Variants in GSTCD observed in about 807,000 individuals in gnomAD.
GSTCD encodes the protein glutathione S-transferase C-terminal domain containing, also known as glutathione S-transferase C-terminal domain-containing protein.
A neutral mutation model predicts 68.3 loss-of-function variants in GSTCD; 44 were observed. The ratio of observed to expected loss-of-function variants is 0.64; its 90% CI spans 0.51 to 0.83. The LOEUF is 0.83. GSTCD is among the 40% of genes least tolerant of loss of function. The pLI is 0.00. For missense variants in GSTCD, 739 were observed against 735.9 expected, an observed-to-expected ratio of 1.00 and a Z score of -0.05; for synonymous variants, 273 against 255.2, an observed-to-expected ratio of 1.07 and a Z score of -0.67.
intron 5 of GSTCD, among the ~76,000 whole-genome samples, chr4:105,744,529 A>G (rs955290570): frequency 2.0e-5 from 3 of 152,162 alleles, no homozygotes; most frequent in Non-Finnish European, 4.4e-5. Flanking sequence ...ATTTACCATC[A>G]GTATCAACTC....
chr4:105,756,281 T>G (rs1734186319), intron 5 of GSTCD, among the ~76,000 whole-genome samples: 1 of 152,022 alleles, frequency 6.6e-6, no homozygotes, highest in Non-Finnish European at 1.5e-5. Context: ...GATTATTAAT[T>G]CAATTTCCAT....
At chr4:105,815,468 G>A (rs1722937596) in intron 5 of GSTCD, among the ~76,000 whole-genome samples, 1 of 152,048 alleles carries the variant, frequency 6.6e-6, no homozygotes, top group African/African-American at 2.4e-5. Flanking sequence ...TGTCACTTTA[G>A]ATATTCAGCA....
At chr4:105,810,434 A>G (rs1722707267) in intron 5 of GSTCD, among the ~76,000 whole-genome samples, 1 of 152,100 alleles carries the variant, frequency 6.6e-6, no homozygotes, top group Non-Finnish European at 1.5e-5. Context: ...TCATGCTACC[A>G]TGTCTGTGTC....
intron 5 of GSTCD, among the ~76,000 whole-genome samples, chr4:105,735,560 G>A (rs919687485): frequency 2.0e-5 from 3 of 152,016 alleles, no homozygotes; most frequent in Admixed American, 6.6e-5. Flanking sequence ...CCAATTTTCC[G>A]GGTGCTGTGT....
chr4:105,838,006 G>A, intron 10 of GSTCD, 117 bp downstream of exon 10: 1 of 401,560 alleles, frequency 2.5e-6, no homozygotes. Context: ...ACTCATGAAT[G>A]TCTAATATGG....
chr4:105,745,052 A>G (rs974890774), intron 5 of GSTCD, among the ~76,000 whole-genome samples: 1 of 152,222 alleles, frequency 6.6e-6, no homozygotes, highest in Non-Finnish European at 1.5e-5. Context: ...ATCTAACAAT[A>G]CAGGATTCTT....
chr4:105,803,850 A>T (rs1736199382), intron 5 of GSTCD, among the ~76,000 whole-genome samples: 1 of 152,098 alleles, frequency 6.6e-6, no homozygotes, highest in Admixed American at 6.6e-5. Flanking sequence ...ATACATATCT[A>T]TGTGGTAAAA....
chr4:105,798,794 T>A (rs1735999465), intron 5 of GSTCD, among the ~76,000 whole-genome samples: 1 of 152,062 alleles, frequency 6.6e-6, no homozygotes, highest in African/African-American at 2.4e-5. Flanking sequence ...CCCTAGGATT[T>A]TCAAAATGGT....
intron 5 of GSTCD, among the ~76,000 whole-genome samples, chr4:105,814,497 C>A (rs1364957405): frequency 6.6e-6 from 1 of 152,104 alleles, no homozygotes; most frequent in East Asian, 1.9e-4. Flanking sequence ...CCTGTAATCC[C>A]AGCTACTCGG....
At chr4:105,735,728 C>G (rs1733439712) in intron 5 of GSTCD, among the ~76,000 whole-genome samples, 1 of 152,058 alleles carries the variant, frequency 6.6e-6, no homozygotes, top group Non-Finnish European at 1.5e-5. Flanking sequence ...CCCGGTACAT[C>G]AGTTGGAAAT....
chr4:105,747,939 T>G (rs1445670831), intron 5 of GSTCD, among the ~76,000 whole-genome samples: 1 of 152,100 alleles, frequency 6.6e-6, no homozygotes, highest in Non-Finnish European at 1.5e-5. Context: ...GGCTATTACA[T>G]TTTGAACTTT....
intron 5 of GSTCD, among the ~76,000 whole-genome samples, chr4:105,788,483 T>A (rs1169297947): frequency 6.6e-6 from 1 of 152,132 alleles, no homozygotes; most frequent in East Asian, 1.9e-4. Context: ...TGTGCCACTT[T>A]GTTTCCTACT....
intron 5 of GSTCD, among the ~76,000 whole-genome samples, chr4:105,799,912 G>C (rs1004088394): frequency 4.6e-5 from 7 of 152,080 alleles, no homozygotes; most frequent in African/African-American, 1.4e-4. Context: ...ATAAGTGGGA[G>C]CTAAACATTG....
intron 5 of GSTCD, among the ~76,000 whole-genome samples, chr4:105,756,921 CATAATT>C (rs1412412542): frequency 6.6e-6 from 1 of 152,114 alleles, no homozygotes; most frequent in Non-Finnish European, 1.5e-5. Context: ...CATTATAGTT[CATAATT>C]ATGTCACAGT....
In GSTCD at chr4:105,823,081, C is replaced by A; in HGVS notation, c.1356+12C>A. ...TCTGCAGCGGTGGGGTATTTTATCT[C>A]TCCTTTCATCCTTTTTAGTCTTTCT... On this transcript the variant is annotated intron_variant, in intron 6 of 11. Transcript: ENST00000515279. 1 of 1,598,794 alleles carries A rather than the reference C, an allele frequency of 6.3e-7. No individual in the cohort carries two copies. Among genetic ancestry groups the A allele is most frequent in the African/African-American group, 1.3e-5 (1 of 74,644 alleles).
chr4:105,742,407 C>A (rs1334114469), intron 5 of GSTCD, among the ~76,000 whole-genome samples: 1 of 152,196 alleles, frequency 6.6e-6, no homozygotes, highest in African/African-American at 2.4e-5. Context: ...TCAAACGCTG[C>A]TTCCTTCATT....
At chr4:105,730,814 G>T (rs1289498920) in intron 5 of GSTCD, among the ~76,000 whole-genome samples, 1 of 152,164 alleles carries the variant, frequency 6.6e-6, no homozygotes, top group African/African-American at 2.4e-5. Context: ...TGAAGTCCTT[G>T]CCCATGCCTA....
chr4:105,747,687 A>G lies in GSTCD; in HGVS notation c.1240+18188A>G. Reference sequence around the variant, plus strand: ...TAAGAATGTCTATTTTAGACCAGTTATACTGACAAATATAAGTGGAAGTGA... The same window carrying G: ...TAAGAATGTCTATTTTAGACCAGTTGTACTGACAAATATAAGTGGAAGTGA... On this transcript the variant is annotated intron_variant, in intron 5 of 11. Coordinates refer to ENST00000515279, the MANE Select transcript of GSTCD (RefSeq NM_001370181.1). Among the ~76,000 whole-genome samples the G allele has an allele frequency of 1.3e-5, 2 of 152,212 alleles. 1 individual carries two copies. Among genetic ancestry groups the G allele is most frequent in the Admixed American group, 1.3e-4 (2 of 15,282 alleles).
intron 8 of GSTCD, 127 bp downstream of exon 8, chr4:105,825,927 T>TTCATAGATA: frequency 2.0e-6 from 1 of 498,790 alleles, no homozygotes; most frequent in Non-Finnish European, 3.6e-6. Context: ...ATACTTATAT[T>TTCATAGATA]ATCTATGAAA....
Sources: gnomAD v4.1 joint callset for allele counts (sites outside exome capture counted in the v4.1 genomes callset) on GRCh38, gnomAD v4.1.1 for gene constraint, MANE v1.5 for transcripts, NCBI Gene and HGNC (gene_info 2026-07-23, HGNC 2026-07-21) for gene names.